The following NCKAP5 variants were observed in gnomAD, a reference collection of about 807,000 sequenced individuals.
NCKAP5 encodes the protein NCK associated protein 5.
A neutral mutation model predicts 167.0 loss-of-function variants in NCKAP5; 92 were observed. The observed-to-expected ratio is 0.55, with a 90% confidence interval of 0.47 to 0.66. The LOEUF is 0.66. Ranked by LOEUF, NCKAP5 falls within the 30% of genes least tolerant of loss-of-function variation. The pLI, the probability that NCKAP5 is intolerant of heterozygous loss-of-function variation, is 0.00. For missense variants in NCKAP5, 2,378 were observed against 2,315.0 expected (o/e 1.03, Z -0.56); for synonymous variants, 891 against 877.4 (o/e 1.02, Z -0.27).
chr2:133,465,253 G>C (rs183709574), intron 3 of NCKAP5, among the ~76,000 whole-genome samples: 1 of 148,444 alleles, frequency 6.7e-6, no homozygotes, highest in African/African-American at 2.5e-5. Context: ...GTGAGAATAT[G>C]CGGTGTTTGG....
chr2:133,573,402 G>A (rs931720281), upstream of NCKAP5, among the ~76,000 whole-genome samples: 5 of 152,282 alleles, frequency 3.3e-5, no homozygotes, highest in South Asian at 1.0e-3. Context: ...GCAACCCCAA[G>A]GACCTTTGGC....
At chr2:133,538,943 T>A (rs1207893098) in intron 2 of NCKAP5, among the ~76,000 whole-genome samples, 1 of 135,876 alleles carries the variant, frequency 7.4e-6, no homozygotes, top group Non-Finnish European at 1.6e-5. Flanking sequence ...TTTTTTTTTT[T>A]TTTTTTTTTT....
intron 4 of NCKAP5, among the ~76,000 whole-genome samples, chr2:133,292,441 T>C (rs1679667602): frequency 6.6e-6 from 1 of 152,202 alleles, no homozygotes; most frequent in Admixed American, 6.5e-5. Flanking sequence ...TAGGGAATAT[T>C]TGTAATCTTT....
At chr2:133,499,462 A>G (rs1410388572) in intron 3 of NCKAP5, among the ~76,000 whole-genome samples, 1 of 152,248 alleles carries the variant, frequency 6.6e-6, no homozygotes, top group Admixed American at 6.5e-5. Flanking sequence ...AGGTGGACAC[A>G]TCTTCTTGCC....
At chr2:132,772,744 T>A (rs1403730763) in intron 16 of NCKAP5, among the ~76,000 whole-genome samples, 3 of 152,200 alleles carry the variant, frequency 2.0e-5, no homozygotes, top group Admixed American at 2.0e-4. Flanking sequence ...CAATTACGAA[T>A]GAAAAGAATA....
At chr2:133,556,412 A>G (rs1390488278) in intron 2 of NCKAP5, among the ~76,000 whole-genome samples, 1 of 152,198 alleles carries the variant, frequency 6.6e-6, no homozygotes, top group Non-Finnish European at 1.5e-5. Flanking sequence ...CTGATCATTC[A>G]TTTGGAACTT....
chr2:132,802,468 C>G (rs1417915046), intron 11 of NCKAP5, among the ~76,000 whole-genome samples: 2 of 152,178 alleles, frequency 1.3e-5, no homozygotes, highest in Non-Finnish European at 2.9e-5. Context: ...CTTAGGCGGG[C>G]CCTGGGCCCA....
At chr2:132,845,612 C>A (rs1007359555) in intron 11 of NCKAP5, among the ~76,000 whole-genome samples, 3 of 151,938 alleles carry the variant, frequency 2.0e-5, no homozygotes, top group African/African-American at 7.3e-5. Flanking sequence ...TTAGACTTCT[C>A]CTCCCTCAAT....
intron 19 of NCKAP5, among the ~76,000 whole-genome samples, chr2:132,683,512 C>G (rs1412544463): frequency 6.6e-6 from 1 of 152,186 alleles, no homozygotes; most frequent in African/African-American, 2.4e-5. Context: ...GCTTGGTCAG[C>G]AGTTGGGTGA....
chr2:133,117,773 G>A (rs191334105), intron 6 of NCKAP5: 25 of 152,256 alleles, frequency 1.6e-4, no homozygotes, highest in African/African-American at 5.5e-4. Context: ...TGACATCAAA[G>A]GTGACCGCTG....
chr2:133,527,670 A>G (rs1344551380), intron 2 of NCKAP5, among the ~76,000 whole-genome samples: 2 of 152,214 alleles, frequency 1.3e-5, no homozygotes, highest in Non-Finnish European at 2.9e-5. Context: ...GAAATGTATG[A>G]GAAAAATCTC....
intron 3 of NCKAP5, among the ~76,000 whole-genome samples, chr2:133,402,233 C>T (rs1379326013): frequency 2.0e-5 from 3 of 152,046 alleles, no homozygotes; most frequent in East Asian, 1.9e-4. Flanking sequence ...TGTGCACTCA[C>T]GCCTACTGAT....
chr2:133,619,129 G>A, the NCKAP5 span, among the ~76,000 whole-genome samples: 2 of 124,182 alleles, frequency 1.6e-5, no homozygotes, highest in East Asian at 4.7e-4. Flanking sequence ...CACAGGAAGG[G>A]GAACATCACA....
intron 19 of NCKAP5, among the ~76,000 whole-genome samples, chr2:132,721,589 G>T (rs772392277): frequency 6.6e-6 from 1 of 152,194 alleles, no homozygotes; most frequent in Non-Finnish European, 1.5e-5. Flanking sequence ...ACGTCCTCCT[G>T]TTATTGTCTT....
chr2:132,865,821 CT>C (rs575542739), intron 10 of NCKAP5, among the ~76,000 whole-genome samples: 92 of 151,506 alleles, frequency 6.1e-4, no homozygotes, highest in African/African-American at 1.9e-3. Flanking sequence ...TATGAGCAAA[CT>C]TTTTTTTTAG....
At chr2:132,980,001 T>TC (rs1438784097) in intron 7 of NCKAP5, among the ~76,000 whole-genome samples, 39 of 150,508 alleles carry the variant, frequency 2.6e-4, no homozygotes, top group African/African-American at 9.0e-4. Context: ...TTTTTCTTTT[T>TC]TTTTTTTTTT....
At chr2:133,353,626 C>T (rs1369555578) in intron 3 of NCKAP5, among the ~76,000 whole-genome samples, 4 of 152,140 alleles carry the variant, frequency 2.6e-5, no homozygotes, top group Non-Finnish European at 5.9e-5. Flanking sequence ...ACACCCCTAT[C>T]CTGTCACATA....
At chr2:132,724,155 C>T (rs1690219129) in intron 19 of NCKAP5, among the ~76,000 whole-genome samples, 1 of 152,180 alleles carries the variant, frequency 6.6e-6, no homozygotes, top group Admixed American at 6.5e-5. Flanking sequence ...TCAAAAGTCG[C>T]TTTCTTGGTG....
chr2:133,398,822 T>C (rs543807345), intron 3 of NCKAP5, among the ~76,000 whole-genome samples: 1 of 152,014 alleles, frequency 6.6e-6, no homozygotes, highest in African/African-American at 2.4e-5. Flanking sequence ...TCCTGAAGCA[T>C]GGGAGGGCAC....
Sources: allele counts gnomAD v4.1 joint callset (sites outside exome capture counted in the v4.1 genomes callset), GRCh38; gene constraint gnomAD v4.1.1; transcripts MANE v1.5; gene names NCBI Gene and HGNC (gene_info 2026-07-23, HGNC 2026-07-21).